The following MDGA2 variants were observed in gnomAD, a reference collection of about 807,000 sequenced individuals.
MDGA2 encodes MAM domain containing glycosylphosphatidylinositol anchor 2.
MDGA2 carries 40 observed loss-of-function variants against 117.8 expected under a neutral mutation model. The observed-to-expected ratio is 0.34, with a 90% CI of 0.26 to 0.44. The LOEUF (loss-of-function observed/expected upper bound fraction) is 0.44, where lower values mean the gene tolerates loss of function less well. Among genes scored for constraint, MDGA2 ranks in the 20% least tolerant of loss-of-function variants. The pLI, the probability that MDGA2 is intolerant of heterozygous loss-of-function variation, is 1.00. For synonymous variants in MDGA2, 452 were observed against 439.0 expected (o/e 1.03, Z -0.37); for missense variants, 1,123 against 1,250.6 (o/e 0.90, Z 1.54).
intron 1 of MDGA2, among the ~76,000 whole-genome samples, chr14:47,589,638 A>G (rs578229913): frequency 6.6e-6 from 1 of 152,018 alleles, no homozygotes; most frequent in East Asian, 1.9e-4. Flanking sequence ...ACACTGTTTT[A>G]GGTATTCTGG....
chr14:46,981,815 C>T (rs953953162), intron 8 of MDGA2, among the ~76,000 whole-genome samples: 1 of 152,152 alleles, frequency 6.6e-6, no homozygotes, highest in African/African-American at 2.4e-5. Context: ...AATCAGAGCA[C>T]TGTACACTTT....
In MDGA2 at chr14:47,393,093, A is replaced by AAATAATAATAATAAT. The variant is rs10601470; in HGVS notation, c.281-91558_281-91544dup. Among the ~76,000 whole-genome samples the AAATAATAATAATAAT allele has an allele frequency of 9.5e-5, 14 of 147,378 alleles. 1 individual carries two copies. Among genetic ancestry groups the AAATAATAATAATAAT allele is most frequent in the African/African-American group, 3.5e-4 (14 of 40,380 alleles). The stretch of plus-strand genomic sequence containing the variant: ...GCTAACCAAAGAAACCAGATAATTA[A>AAATAATAATAATAAT]AATAATAATAATAATAATAATAATA... On this transcript the variant is annotated intron_variant, in intron 1 of 16. Transcript: ENST00000399232.
At chr14:46,902,164 C>T (rs773607338) in intron 10 of MDGA2, among the ~76,000 whole-genome samples, 73 of 152,068 alleles carry the variant, frequency 4.8e-4, no homozygotes, top group Non-Finnish European at 8.1e-4. Context: ...ATAAATACAT[C>T]TATTTTTAGT....
chr14:47,665,609 G>C (rs955083605), intron 1 of MDGA2, among the ~76,000 whole-genome samples: 1 of 152,170 alleles, frequency 6.6e-6, no homozygotes, highest in Admixed American at 6.5e-5. Context: ...TGGGCTTGGC[G>C]GCCCTGCACT....
At chr14:47,015,906 G>C (rs1293302924) in intron 8 of MDGA2, among the ~76,000 whole-genome samples, 1 of 151,924 alleles carries the variant, frequency 6.6e-6, no homozygotes. Context: ...AATGAAATAA[G>C]AATTTGGAGA....
At chr14:47,020,139 G>A (rs1539216) in intron 8 of MDGA2, among the ~76,000 whole-genome samples, 4 of 46,236 alleles carry the variant, frequency 8.7e-5, no homozygotes, top group Admixed American at 2.0e-4. Context: ...ATGTAAATGC[G>A]GATCTTCAAT....
intron 1 of MDGA2, among the ~76,000 whole-genome samples, chr14:47,361,685 T>C (rs1459230786): frequency 6.6e-6 from 1 of 152,072 alleles, no homozygotes; most frequent in African/African-American, 2.4e-5. Flanking sequence ...AAATAAGAGA[T>C]TGGACCAGAT....
At chr14:47,104,491 G>A (rs147355643) in intron 5 of MDGA2, among the ~76,000 whole-genome samples, 31 of 100,120 alleles carry the variant, frequency 3.1e-4, no homozygotes, top group Admixed American at 5.9e-4. Flanking sequence ...ACTCCTACCC[G>A]CCAGAGAACA....
intron 7 of MDGA2, among the ~76,000 whole-genome samples, chr14:47,055,437 C>T (rs145331084): frequency 6.6e-6 from 1 of 152,038 alleles, no homozygotes; most frequent in African/African-American, 2.4e-5. Context: ...CTACCTGCTG[C>T]TCTATGGAAC....
At chr14:47,538,903 G>C (rs1895279694) in intron 1 of MDGA2, among the ~76,000 whole-genome samples, 1 of 152,066 alleles carries the variant, frequency 6.6e-6, no homozygotes, top group African/African-American at 2.4e-5. Flanking sequence ...TATATCTCAG[G>C]GGTAACGGAG....
At chr14:47,262,401 G>A (rs1279473024) in intron 2 of MDGA2, among the ~76,000 whole-genome samples, 15 of 152,094 alleles carry the variant, frequency 9.9e-5, no homozygotes, top group Non-Finnish European at 1.5e-5. Context: ...TTCTCACAAG[G>A]CTGTCCCAAA....
At chr14:47,616,701 A>C (rs1896953575) in intron 1 of MDGA2, among the ~76,000 whole-genome samples, 2 of 152,164 alleles carry the variant, frequency 1.3e-5, no homozygotes, top group South Asian at 4.1e-4. Flanking sequence ...AGCATAACAT[A>C]AAAATAGAAC....
chr14:47,354,930 A>T lies in MDGA2; in HGVS notation c.281-53380T>A, dbSNP rs568082239. Among the ~76,000 whole-genome samples, 5 of 152,184 alleles carry T rather than the reference A, an allele frequency of 3.3e-5. No individual in the cohort carries two copies. In the East Asian group the frequency reaches 9.7e-4, roughly 29 times the overall value. On this transcript the variant is annotated intron_variant, in intron 1 of 16. Transcript: ENST00000399232. ...GAGACATTTCCCAAAACCAGAAGGGACCCAAGTATGCCCAGAAACCCTCAA... is the reference window on the plus strand; with the variant it reads ...GAGACATTTCCCAAAACCAGAAGGGTCCCAAGTATGCCCAGAAACCCTCAA...
chr14:47,173,963 C>T lies in MDGA2; in HGVS notation c.596-29689G>A, dbSNP rs535726363. Among the ~76,000 whole-genome samples the T allele has an allele frequency of 4.6e-5, 7 of 151,950 alleles. No homozygotes were observed. The East Asian group carries it at 1.4e-3, about 29-fold the overall frequency. ...AAAGGATGGAGGAAGATCTACCAAG[C>T]AAATGGAAAACAAAAAAAGGCATGG... On this transcript the variant is annotated intron_variant, in intron 3 of 16. Coordinates refer to ENST00000399232, the MANE Select transcript of MDGA2 (RefSeq NM_001113498.3).
intron 2 of MDGA2, among the ~76,000 whole-genome samples, chr14:47,277,143 C>A (rs550651387): frequency 1.3e-5 from 2 of 152,242 alleles, no homozygotes; most frequent in African/African-American, 4.8e-5. Context: ...TGAGCTCACA[C>A]CCTTGTTTTG....
chr14:47,595,394 C>T (rs1319188886), intron 1 of MDGA2, among the ~76,000 whole-genome samples: 2 of 151,690 alleles, frequency 1.3e-5, no homozygotes, highest in African/African-American at 4.8e-5. Context: ...AATAGCTGGG[C>T]ACGGTGGTGG....
intron 7 of MDGA2, among the ~76,000 whole-genome samples, chr14:47,054,940 T>C (rs1469615625): frequency 6.6e-6 from 1 of 151,838 alleles, no homozygotes; most frequent in Non-Finnish European, 1.5e-5. Flanking sequence ...ATCTTTTTTT[T>C]CTTATCTAGC....
At chr14:47,426,046 C>T (rs1338938846) in intron 1 of MDGA2, among the ~76,000 whole-genome samples, 6 of 151,972 alleles carry the variant, frequency 3.9e-5, no homozygotes, top group Non-Finnish European at 8.8e-5. Flanking sequence ...CTCTGACTTA[C>T]ACAGCCCGGA....
At chr14:47,539,008 G>T (rs185213611) in intron 1 of MDGA2, among the ~76,000 whole-genome samples, 25 of 152,306 alleles carry the variant, frequency 1.6e-4, no homozygotes, top group African/African-American at 4.8e-4. Flanking sequence ...GGTAGATAGT[G>T]GAGAAGTCTG....
Sources: gnomAD v4.1 joint callset for allele counts (sites outside exome capture counted in the v4.1 genomes callset) on GRCh38, gnomAD v4.1.1 for gene constraint, MANE v1.5 for transcripts, NCBI Gene and HGNC (gene_info 2026-07-23, HGNC 2026-07-21) for gene names.